Variants in FOCAD observed in about 807,000 individuals in gnomAD.
FOCAD encodes the protein KIAA1797.
Under a neutral mutation model 225.6 loss-of-function variants are expected in FOCAD, and 198 were observed. The ratio of observed to expected loss-of-function variants is 0.88; its 90% CI spans 0.78 to 0.99. FOCAD has a LOEUF of 0.99. Among genes scored for constraint, FOCAD ranks in the 50% least tolerant of loss-of-function variants. The probability of loss-of-function intolerance (pLI) is 0.00; values close to 1 mark genes in which losing one functional copy is unlikely to be tolerated. For synonymous variants in FOCAD, 897 were observed against 755.0 expected (o/e 1.19, Z -3.08); for missense variants, 2,713 against 2,123.6 (o/e 1.28, Z -5.46).
intron 15 of FOCAD, among the ~76,000 whole-genome samples, chr9:20,844,738 G>C (rs570394156): frequency 2.0e-5 from 3 of 151,788 alleles, no homozygotes; most frequent in Admixed American, 6.6e-5. Context: ...AGTCACTTTG[G>C]GTATTTAGAG....
intron 1 of FOCAD, among the ~76,000 whole-genome samples, chr9:20,708,773 G>T (rs1189848508): frequency 6.6e-6 from 1 of 150,592 alleles, no homozygotes; most frequent in Non-Finnish European, 1.5e-5. Flanking sequence ...GAGAGACCCT[G>T]TCTCTTAAGG....
Position 20,923,715 on chromosome 9 carries a change from G to A in FOCAD, c.2908G>A (p.Val970Ile), listed in dbSNP as rs775372199. The A allele has an allele frequency of 3.3e-5, 54 of 1,613,912 alleles. No homozygotes were observed. Among genetic ancestry groups the A allele is most frequent in the East Asian group, 4.5e-5 (2 of 44,886 alleles). ...ALLALSSLAV[V>I]VSRHEASLSS... is the part of the protein sequence containing the mutation. ...GTTAGCTCTAAGCAGCCTTGCTGTCGTCGTATCTAGACATGAAGCCAGCCT... is the reference window on the plus strand; with the variant it reads ...GTTAGCTCTAAGCAGCCTTGCTGTCATCGTATCTAGACATGAAGCCAGCCT... Residue 970 changes from valine (V) to isoleucine (I), a missense_variant, in exon 25 of 44, where the codon GTC becomes ATC. By Grantham distance (29) the Val-to-Ile change is conservative (BLOSUM62 3). Coordinates refer to ENST00000338382, the MANE Select transcript of FOCAD (RefSeq NM_001375567.1).
At chr9:20,888,061 C>G (rs1831257494) in intron 21 of FOCAD, among the ~76,000 whole-genome samples, 1 of 97,444 alleles carries the variant, frequency 1.0e-5, no homozygotes, top group African/African-American at 4.2e-5. Flanking sequence ...AAAGAGTGTT[C>G]TTTATATATT....
At chr9:20,695,396 T>C (rs1469485941) in intron 1 of FOCAD, among the ~76,000 whole-genome samples, 1 of 152,198 alleles carries the variant, frequency 6.6e-6, no homozygotes, top group African/African-American at 2.4e-5. Context: ...TGATGATTCA[T>C]TCACAAATCA....
chr9:20,808,365 G>A (rs953817595), intron 11 of FOCAD, among the ~76,000 whole-genome samples: 8 of 152,298 alleles, frequency 5.3e-5, no homozygotes, highest in East Asian at 3.9e-4. Context: ...AAGAATAGGG[G>A]CAGGTTTGCC....
Position 20,981,609 on chromosome 9 carries a change from AGCCC to A in FOCAD, c.4562_4565del (p.Ser1521MetfsTer29). ...TCTGAGCCAGGCCATGAAACTGCCC[AGCCC>A]TGCCCACCACCTCTGGAGTCTGCTC... On this transcript the variant is annotated frameshift_variant, in exon 38 of 44. Transcript: ENST00000338382. LOFTEE classifies it high-confidence loss of function. The A allele has an allele frequency of 6.2e-7, 1 of 1,614,070 alleles. No individual in the cohort carries two copies. The highest frequency in any genetic ancestry group is 8.5e-7 in the Non-Finnish European group (1 of 1,179,990).
At chr9:20,756,999 A>C (rs1829111950) in intron 5 of FOCAD, among the ~76,000 whole-genome samples, 1 of 152,130 alleles carries the variant, frequency 6.6e-6, no homozygotes. Flanking sequence ...GCATAATATC[A>C]GTTCACCGCA....
chr9:20,948,225 C>CT (rs760547325), intron 30 of FOCAD, 46 bp from the exon 31 acceptor site: 11,343 of 1,346,978 alleles, frequency 8.4e-3, no homozygotes, highest in South Asian at 0.014. Flanking sequence ...AAATCTGTGT[C>CT]TTTTTTTTTT....
At chr9:20,666,817 G>A (rs1350654993) in intron 2 of FOCAD, among the ~76,000 whole-genome samples, 2 of 152,158 alleles carry the variant, frequency 1.3e-5, no homozygotes, top group African/African-American at 2.4e-5. Flanking sequence ...TAATGTATAT[G>A]AGTGGGAAAA....
intron 15 of FOCAD, among the ~76,000 whole-genome samples, chr9:20,846,031 G>A (rs150818176): frequency 0.011 from 1,653 of 152,114 alleles, 9 homozygotes; most frequent in Non-Finnish European, 0.018. Flanking sequence ...ATGGACTTGC[G>A]GAGTTGCAAG....
chr9:20,679,429 G>A (rs963289348), upstream of FOCAD, among the ~76,000 whole-genome samples: 22 of 152,270 alleles, frequency 1.4e-4, no homozygotes, highest in Admixed American at 1.2e-3. Flanking sequence ...TTGGGCCTGA[G>A]TTCAAGGCTT....
intron 21 of FOCAD, among the ~76,000 whole-genome samples, chr9:20,898,060 T>G (rs955462196): frequency 6.6e-6 from 1 of 151,834 alleles, no homozygotes. Flanking sequence ...TTCACTCTCT[T>G]CTCTTCTTGC....
At chr9:20,833,938 T>C (rs569995767) in intron 15 of FOCAD, among the ~76,000 whole-genome samples, 1 of 152,224 alleles carries the variant, frequency 6.6e-6, no homozygotes, top group African/African-American at 2.4e-5. Context: ...ATGCAGTTTC[T>C]TATAAATATG....
At chr9:20,976,662 A>G in intron 36 of FOCAD, 114 bp downstream of exon 36, 1 of 1,161,268 alleles carries the variant, frequency 8.6e-7, no homozygotes, top group Non-Finnish European at 1.3e-6. Context: ...TCAGATCTTG[A>G]GGTTTGTCAT....
chr9:20,734,350 C>A (rs1385809934), intron 4 of FOCAD, among the ~76,000 whole-genome samples: 1 of 152,160 alleles, frequency 6.6e-6, no homozygotes. Context: ...AACCAACTAA[C>A]CCCAGTGACA....
chr9:20,807,305 AAAG>A (rs1251191588), intron 11 of FOCAD, among the ~76,000 whole-genome samples: 1 of 152,262 alleles, frequency 6.6e-6, no homozygotes, highest in Non-Finnish European at 1.5e-5. Flanking sequence ...GTGCATCAAA[AAAG>A]AGACATTAAT....
chr9:20,737,532 T>A (rs2131640994), intron 4 of FOCAD, among the ~76,000 whole-genome samples: 1 of 152,324 alleles, frequency 6.6e-6, no homozygotes, highest in Non-Finnish European at 1.5e-5. Flanking sequence ...TCTTCAGTGG[T>A]ATATAAATAG....
At chr9:20,789,100 G>A (rs370606099) in intron 10 of FOCAD, among the ~76,000 whole-genome samples, 14 of 152,126 alleles carry the variant, frequency 9.2e-5, no homozygotes, top group African/African-American at 3.1e-4. Context: ...CTGCCTTAAT[G>A]GGGAATGAAT....
intron 21 of FOCAD, among the ~76,000 whole-genome samples, chr9:20,887,786 C>T (rs1831228011): frequency 6.6e-6 from 1 of 152,132 alleles, no homozygotes; most frequent in African/African-American, 2.4e-5. Flanking sequence ...TAGTGGCTGT[C>T]TTATTTTGAA....
Sources: gnomAD v4.1 joint callset for allele counts (sites outside exome capture counted in the v4.1 genomes callset) on GRCh38, gnomAD v4.1.1 for gene constraint, MANE v1.5 for transcripts, NCBI Gene and HGNC (gene_info 2026-07-23, HGNC 2026-07-21) for gene names.